Variants in ERBB4 observed in about 807,000 individuals in gnomAD.
ERBB4 encodes the protein receptor tyrosine-protein kinase erbB-4.
In ERBB4, 42 loss-of-function variants were observed where a neutral mutation model predicts 158.0. The observed-to-expected ratio is 0.27, with a 90% CI of 0.21 to 0.34. The LOEUF (loss-of-function observed/expected upper bound fraction) is 0.34. Ranked by LOEUF, ERBB4 falls within the 10% of genes least tolerant of loss-of-function variation. ERBB4 has a pLI of 1.00. For missense variants in ERBB4, 1,333 were observed against 1,624.1 expected (o/e 0.82, Z 3.08); for synonymous variants, 583 against 558.7 (o/e 1.04, Z -0.61).
intron 3 of ERBB4, among the ~76,000 whole-genome samples, chr2:211,856,757 A>T (rs1009860798): frequency 6.6e-6 from 1 of 152,100 alleles, no homozygotes; most frequent in Non-Finnish European, 1.5e-5. Flanking sequence ...CTATATTTCC[A>T]TGGCTTATCT....
chr2:212,122,141 T>C (rs2079773053), intron 2 of ERBB4, among the ~76,000 whole-genome samples: 1 of 151,630 alleles, frequency 6.6e-6, no homozygotes, highest in Admixed American at 6.6e-5. Flanking sequence ...CATATATGTA[T>C]ATAGATACAC....
chr2:212,134,682 T>C (rs2080215744), intron 1 of ERBB4, among the ~76,000 whole-genome samples: 2 of 136,112 alleles, frequency 1.5e-5, no homozygotes, highest in Admixed American at 7.3e-5. Flanking sequence ...CTTTCTTTTT[T>C]TTTTTTTTTT....
chr2:211,819,773 T>C (rs2076954440), intron 3 of ERBB4, among the ~76,000 whole-genome samples: 1 of 151,542 alleles, frequency 6.6e-6, no homozygotes, highest in African/African-American at 2.4e-5. Flanking sequence ...AAACTAGAGG[T>C]GAAAAAAACA....
chr2:212,247,615 A>G (rs2084359522), intron 1 of ERBB4, among the ~76,000 whole-genome samples: 1 of 152,318 alleles, frequency 6.6e-6, no homozygotes, highest in East Asian at 1.9e-4. Context: ...AGCAATTAAA[A>G]CCAAAAAACT....
intron 2 of ERBB4, among the ~76,000 whole-genome samples, chr2:212,101,736 C>T (rs9677909): frequency 8.8e-4 from 133 of 151,808 alleles, no homozygotes; most frequent in African/African-American, 3.1e-3. Context: ...TCTTTCATTT[C>T]CTTAAGAAAA....
intron 2 of ERBB4, among the ~76,000 whole-genome samples, chr2:212,026,138 C>T (rs754642329): frequency 1.6e-4 from 24 of 151,140 alleles, no homozygotes; most frequent in African/African-American, 4.9e-4. Context: ...AATGAGGTCA[C>T]GGGAATTTTT....
chr2:211,883,508 T>C (rs1449561194), intron 3 of ERBB4, among the ~76,000 whole-genome samples: 2 of 152,172 alleles, frequency 1.3e-5, no homozygotes, highest in Non-Finnish European at 2.9e-5. Flanking sequence ...CCAGTCACGG[T>C]GGCTCACACC....
chr2:212,307,649 T>C (rs1403777273), intron 1 of ERBB4, among the ~76,000 whole-genome samples: 2 of 151,106 alleles, frequency 1.3e-5, no homozygotes, highest in Admixed American at 1.3e-4. Flanking sequence ...TTTAGTATGT[T>C]TCTAGGACGG....
chr2:212,091,741 T>C (rs1276704773), intron 2 of ERBB4, among the ~76,000 whole-genome samples: 1 of 152,182 alleles, frequency 6.6e-6, no homozygotes, highest in Non-Finnish European at 1.5e-5. Flanking sequence ...TAGTTTTAGA[T>C]TGGGAAATTA....
intron 20 of ERBB4, among the ~76,000 whole-genome samples, chr2:211,546,854 T>C (rs1441437942): frequency 6.6e-6 from 1 of 152,068 alleles, no homozygotes; most frequent in Non-Finnish European, 1.5e-5. Flanking sequence ...ACACAAACGT[T>C]CAGAAGATGT....
At chr2:211,612,508 C>A (rs1466557418) in intron 19 of ERBB4, among the ~76,000 whole-genome samples, 2 of 151,702 alleles carry the variant, frequency 1.3e-5, no homozygotes, top group African/African-American at 2.4e-5. Flanking sequence ...CACACTTAAG[C>A]TGAGAAAATA....
At chr2:212,095,202 T>C (rs12618158) in intron 2 of ERBB4, among the ~76,000 whole-genome samples, 104,643 of 152,094 alleles carry the variant, frequency 0.69, 40,380 homozygotes, top group East Asian at 1. Flanking sequence ...CTGAAAACAA[T>C]TGGCATTTGG....
At chr2:211,509,378 T>A (rs1427468077) in intron 20 of ERBB4, among the ~76,000 whole-genome samples, 1 of 152,028 alleles carries the variant, frequency 6.6e-6, no homozygotes, top group African/African-American at 2.4e-5. Context: ...AAAACTGGGA[T>A]AACTGGCTAG....
chr2:211,624,103 G>GTC lies in ERBB4; in HGVS notation c.2080-61_2080-60dup, dbSNP rs146953835. ...GTCCGATAGTCAGTCCTCTCTCTCT[G>GTC]TCTCTCTCTCTCTCTCTCTCTTTGG... On this transcript the variant is annotated intron_variant, in intron 17 of 27. Transcript: ENST00000342788. 6.3e-3 allele frequency: 8,622 copies of GTC among 1,368,824 alleles called. 6 individuals are homozygous for GTC. The highest frequency in any genetic ancestry group is 0.026 in the East Asian group (965 of 37,486). The allele number at this position is 1,368,824 out of a possible 1,614,324, so 84.8% of individuals were successfully genotyped here.
chr2:212,108,655 A>G (rs1337247587), intron 2 of ERBB4, among the ~76,000 whole-genome samples: 1 of 148,372 alleles, frequency 6.7e-6, no homozygotes, highest in East Asian at 2.0e-4. Flanking sequence ...ACATTCAACT[A>G]TTCCCAATCA....
intron 2 of ERBB4, among the ~76,000 whole-genome samples, chr2:212,118,844 A>T (rs1391465313): frequency 2.6e-5 from 4 of 152,076 alleles, no homozygotes; most frequent in Admixed American, 1.3e-4. Flanking sequence ...TCATAATAAC[A>T]TGCATTTGTT....
At position 211,541,792 on chromosome 2, in the gene ERBB4, G is replaced by A. The variant is rs192109377; in HGVS notation, c.2487+20111C>T. On this transcript the variant is annotated intron_variant, in intron 20 of 27. Transcript: ENST00000342788. Reference sequence around the variant, plus strand: ...AGTTCAGCAGTTTCTCCCTATGCATGGGGCATCATTAAACTCTTACTATGT... The same window carrying A: ...AGTTCAGCAGTTTCTCCCTATGCATAGGGCATCATTAAACTCTTACTATGT... 5.4e-3 allele frequency among the ~76,000 whole-genome samples: 818 copies of A among 152,058 alleles called. 9 individuals carry two copies. Among genetic ancestry groups the A allele is most frequent in the African/African-American group, 0.019 (773 of 41,528 alleles).
intron 16 of ERBB4, among the ~76,000 whole-genome samples, chr2:211,646,057 G>C (rs953518746): frequency 6.6e-6 from 1 of 151,490 alleles, no homozygotes; most frequent in Non-Finnish European, 1.5e-5. Flanking sequence ...AAGGGGTAAT[G>C]TCTGTTGATC....
At chr2:211,855,075 T>C (rs1662849128) in intron 3 of ERBB4, among the ~76,000 whole-genome samples, 1 of 143,168 alleles carries the variant, frequency 7.0e-6, no homozygotes, top group Non-Finnish European at 1.6e-5. Context: ...CTTACTTTAA[T>C]TTGCTTTTTT....
Sources: gnomAD v4.1 joint callset for allele counts (sites outside exome capture counted in the v4.1 genomes callset) on GRCh38, gnomAD v4.1.1 for gene constraint, MANE v1.5 for transcripts, NCBI Gene and HGNC (gene_info 2026-07-23, HGNC 2026-07-21) for gene names.